The following CHIA variants were observed in gnomAD, a reference collection of about 807,000 sequenced individuals.
The protein encoded by CHIA is acidic mammalian chitinase.
In CHIA, 47 loss-of-function variants were observed where a neutral mutation model predicts 53.5. The observed-to-expected ratio is 0.88, with a 90% CI of 0.70 to 1.12. CHIA has a LOEUF of 1.12. CHIA is among the 50% of genes most tolerant of loss of function. The probability of loss-of-function intolerance (pLI) is 0.00; values close to 1 mark genes in which losing one functional copy is unlikely to be tolerated. For synonymous variants in CHIA, 268 were observed against 222.2 expected, an observed-to-expected ratio of 1.21 and a Z score of -1.83; for missense variants, 652 against 592.2, an observed-to-expected ratio of 1.10 and a Z score of -1.05.
At chr1:111,314,721 A>AT in intron 5 of CHIA, 125 bp downstream of exon 5, 1 of 623,302 alleles carries the variant, frequency 1.6e-6, no homozygotes, top group Non-Finnish European at 2.9e-6. Context: ...AAACAAATAT[A>AT]TGAATTAAAT....
At chr1:111,304,458 A>T (rs12026895) in intron 1 of CHIA, among the ~76,000 whole-genome samples, 4,722 of 152,206 alleles carry the variant, frequency 0.031, 87 homozygotes, top group East Asian at 0.045. Flanking sequence ...CTCAAACTTA[A>T]TAATTTTCAC....
In CHIA at chr1:111,319,203, G is replaced by T. The variant is rs144182515; in HGVS notation, c.999G>T (p.Trp333Cys). 126 of 1,613,832 alleles carry T rather than the reference G, an allele frequency of 7.8e-5. No homozygotes were observed. The highest frequency in any genetic ancestry group is 1.0e-4 in the Non-Finnish European group (119 of 1,180,046). The change falls in exon 10 of 12, where the codon TGG becomes TGT. Residue 333 changes from tryptophan to cysteine, a missense_variant. Physicochemically the swap from Trp to Cys is radical, Grantham distance 215. Transcript: ENST00000369740. ...CTTATGCCTATCAGGGCAATGTGTG[G>T]GTTGGCTATGACAACATCAAGAGCT... ...EVPYAYQGNV[W>C]VGYDNIKSFD... is the part of the protein sequence containing the mutation.
In CHIA at chr1:111,292,331, A is replaced by G. The variant is rs145127430; in HGVS notation, c.-69+1381A>G. Among the ~76,000 whole-genome samples the G allele has an allele frequency of 3.3e-5, 5 of 152,322 alleles. No homozygotes were observed. The East Asian group carries it at 9.7e-4, about 29-fold the overall frequency. On this transcript the variant is annotated intron_variant, in intron 1 of 11. Transcript: ENST00000369740. Reference sequence around the variant, plus strand: ...AACTTGTCTAATGTCACATATCTAGAAAGAAGGAGAACAAAAATTGAAATA... The same window carrying G: ...AACTTGTCTAATGTCACATATCTAGGAAGAAGGAGAACAAAAATTGAAATA...
At chr1:111,297,912 AAAAAAAAAAAAAAC>A (rs1325708804) in intron 1 of CHIA, among the ~76,000 whole-genome samples, 2 of 148,408 alleles carry the variant, frequency 1.3e-5, no homozygotes, top group Admixed American at 1.3e-4. Flanking sequence ...AAAAAAAAAA[AAAAAAAAAAAAAAC>A]AAGCAGGGGT....
chr1:111,317,483 G>C (rs1649249951), intron 6 of CHIA, 198 bp from the exon 7 acceptor site: 2 of 561,114 alleles, frequency 3.6e-6, no homozygotes, highest in Non-Finnish European at 6.1e-6. Flanking sequence ...TAACTCTTAT[G>C]CATATTAGAT....
chr1:111,294,032 T>C (rs1200658836), intron 1 of CHIA, among the ~76,000 whole-genome samples: 2 of 152,180 alleles, frequency 1.3e-5, no homozygotes, highest in African/African-American at 4.8e-5. Context: ...CAGTGAGCTA[T>C]GATCATGCCA....
intron 6 of CHIA, 125 bp downstream of exon 6, chr1:111,315,560 G>C: frequency 9.9e-7 from 1 of 1,006,938 alleles, no homozygotes; most frequent in Non-Finnish European, 1.4e-6. Context: ...GCATTGCAAA[G>C]AGTCTTATAT....
chr1:111,295,733 G>T (rs1272164172), intron 1 of CHIA, among the ~76,000 whole-genome samples: 5 of 152,162 alleles, frequency 3.3e-5, no homozygotes, highest in African/African-American at 1.2e-4. Context: ...AGCCCACGGA[G>T]GGTGAGCCAA....
At position 111,315,358 on chromosome 1, in the gene CHIA, C is replaced by T. The variant is rs1192438893; in HGVS notation, c.403C>T (p.Leu135=). 6.2e-7 allele frequency: 1 copy of T among 1,614,044 alleles called. No homozygotes were observed. The highest frequency in any genetic ancestry group is 8.5e-7 in the Non-Finnish European group (1 of 1,179,992). ...KFLRQYEFDG[L]DFDWEYPGSR... is the part of the protein sequence containing the mutation. ...CCTGCGCCAGTATGAGTTTGACGGG[C>T]TGGACTTTGACTGGGAGTACCCTGG... is the stretch of plus-strand genomic sequence containing the variant. The change falls in exon 6 of 12, where the codon CTG becomes TTG. Residue 135 remains leucine, a synonymous_variant. Coordinates refer to ENST00000369740, the MANE Select transcript of CHIA (RefSeq NM_201653.4).
rs113282562 is a variant in CHIA at position 111,315,593 on chromosome 1, A to T, written c.480+158A>T. The T allele has an allele frequency of 1.0e-4, 74 of 721,896 alleles. 1 individual carries two copies. The highest frequency in any genetic ancestry group is 1.0e-3 in the African/African-American group (56 of 56,100). The allele number at this position is 721,896 out of a possible 1,614,324, so 44.7% of individuals were successfully genotyped here. On this transcript the variant is annotated intron_variant, in intron 6 of 11. Coordinates refer to ENST00000369740, the MANE Select transcript of CHIA (RefSeq NM_201653.4). ...TATATCGTGCGTTCATTAAACAAAC[A>T]TTTAATGGCAACAACAAAGCAACAT...
chr1:111,298,614 A>C (rs967674728), intron 1 of CHIA, among the ~76,000 whole-genome samples: 4 of 152,224 alleles, frequency 2.6e-5, no homozygotes, highest in Non-Finnish European at 5.9e-5. Context: ...TTATAGCACT[A>C]AATGCCCACA....
In CHIA at chr1:111,312,251, G is replaced by A. The variant is rs925447190; in HGVS notation, c.117G>A (p.Gly39=). The part of the protein sequence containing the change: ...TNWAQYRPGL[G]RFMPDNIDPC... ...GGGCCCAGTACCGGCCAGGCCTGGG[G>A]CGCTTCATGCCTGACAACATCGACC... The change falls in exon 4 of 12, where the codon GGG becomes GGA. Residue 39 remains glycine, a synonymous_variant. Transcript: ENST00000369740. The A allele has an allele frequency of 6.2e-7, 1 of 1,614,094 alleles. No individual in the cohort carries two copies. Among genetic ancestry groups the A allele is most frequent in the African/African-American group, 1.3e-5 (1 of 75,016 alleles).
chr1:111,316,690 T>C (rs1161772465), intron 6 of CHIA: 2 of 152,168 alleles, frequency 1.3e-5, no homozygotes, highest in Non-Finnish European at 2.9e-5. Flanking sequence ...ATCAGATAAA[T>C]ATCAATCTGG....
rs1387935135 is a variant in CHIA, at chr1:111,315,255, T to C, written c.315-15T>C. On this transcript the variant is annotated splice_polypyrimidine_tract_variant and intron_variant, in intron 5 of 11. Coordinates refer to ENST00000369740, the MANE Select transcript of CHIA (RefSeq NM_201653.4). ...CCACCAAGGTCTCACCCTGCCTTCT[T>C]TGGGTCTCCCTCAGTTTCACTGCCA... The C allele has an allele frequency of 4.4e-6, 7 of 1,608,478 alleles. No homozygotes were observed. The African/African-American group carries it at 6.7e-5, about 15-fold the overall frequency.
rs1009150678 is a variant in CHIA, at chr1:111,314,516, C to G, written c.258-24C>G. On this transcript the variant is annotated intron_variant, in intron 4 of 11. Coordinates refer to ENST00000369740, the MANE Select transcript of CHIA (RefSeq NM_201653.4). ...GGGAGTCCTGACTTTTGAAGTTTAT[C>G]TGTTTCTATCCTTTGTTTTACAGGA... 3 of 1,544,536 alleles carry G rather than the reference C, an allele frequency of 1.9e-6. No individual in the cohort carries two copies. The African/African-American group carries it at 4.1e-5, about 21-fold the overall frequency.
intron 5 of CHIA, 114 bp downstream of exon 5, chr1:111,314,710 T>G: frequency 1.5e-6 from 1 of 670,306 alleles, no homozygotes; most frequent in Admixed American, 2.8e-5. Context: ...AGGATGTACA[T>G]AAACAAATAT....
intron 4 of CHIA, among the ~76,000 whole-genome samples, chr1:111,313,602 T>C (rs998561366): frequency 6.6e-6 from 1 of 152,216 alleles, no homozygotes; most frequent in Non-Finnish European, 1.5e-5. Context: ...ATTCCATAGG[T>C]AGTCTCTTCA....
intron 6 of CHIA, 191 bp from the exon 7 acceptor site, chr1:111,317,490 A>T: frequency 1.7e-6 from 1 of 600,940 alleles, no homozygotes; most frequent in Non-Finnish European, 2.8e-6. Context: ...TATGCATATT[A>T]GATAGCCAGA....
At chr1:111,316,740 C>T (rs1035313598) in intron 6 of CHIA, 1 of 152,164 alleles carries the variant, frequency 6.6e-6, no homozygotes, top group East Asian at 1.9e-4. Context: ...GGTTTTTAGA[C>T]TTACTGTCTC....
Sources: allele counts gnomAD v4.1 joint callset (sites outside exome capture counted in the v4.1 genomes callset), GRCh38; gene constraint gnomAD v4.1.1; transcripts MANE v1.5; gene names NCBI Gene and HGNC (gene_info 2026-07-23, HGNC 2026-07-21).